Variants in PDZRN4 observed in about 807,000 individuals in gnomAD.
The protein encoded by PDZRN4 is PDZ domain-containing RING finger protein 4.
A neutral mutation model predicts 99.0 loss-of-function variants in PDZRN4; 70 were observed. The observed-to-expected ratio is 0.71, with a 90% CI of 0.58 to 0.86. PDZRN4 has a LOEUF of 0.86. PDZRN4 is among the 40% of genes least tolerant of loss of function. PDZRN4 has a pLI of 0.00. For synonymous variants in PDZRN4, 551 were observed against 501.6 expected, an observed-to-expected ratio of 1.10 and a Z score of -1.32; for missense variants, 1,474 against 1,331.2, an observed-to-expected ratio of 1.11 and a Z score of -1.67.
At chr12:41,264,443 G>T (rs1218789074) in intron 3 of PDZRN4, among the ~76,000 whole-genome samples, 1 of 151,968 alleles carries the variant, frequency 6.6e-6, no homozygotes, top group Non-Finnish European at 1.5e-5. Context: ...GTAGTGGTTT[G>T]TAGTGGTTCA....
chr12:41,210,165 A>G (rs1810039395), intron 3 of PDZRN4, among the ~76,000 whole-genome samples: 1 of 148,736 alleles, frequency 6.7e-6, no homozygotes, highest in African/African-American at 2.5e-5. Context: ...GTGTCTGTTC[A>G]TATCCTTCAC....
At chr12:41,269,617 A>G (rs1951300369) in intron 3 of PDZRN4, among the ~76,000 whole-genome samples, 1 of 152,226 alleles carries the variant, frequency 6.6e-6, no homozygotes. Context: ...ATTACAGGGC[A>G]TAAAGACATG....
chr12:41,345,357 C>T (rs1951845974), intron 3 of PDZRN4, among the ~76,000 whole-genome samples: 1 of 152,158 alleles, frequency 6.6e-6, no homozygotes, highest in Non-Finnish European at 1.5e-5. Context: ...TCTTCCTCCT[C>T]CCTCTTCTCA....
At chr12:41,569,652 A>G (rs1057236446) in intron 9 of PDZRN4, among the ~76,000 whole-genome samples, 26 of 152,336 alleles carry the variant, frequency 1.7e-4, no homozygotes, top group African/African-American at 5.8e-4. Flanking sequence ...TCACTTTACC[A>G]TGTTGAATAA....
intron 3 of PDZRN4, among the ~76,000 whole-genome samples, chr12:41,326,955 T>C (rs1951712903): frequency 6.6e-6 from 1 of 152,198 alleles, no homozygotes; most frequent in Admixed American, 6.5e-5. Flanking sequence ...TATTATTTGC[T>C]CCCGAATGTC....
At chr12:41,501,367 G>T (rs1938106353) in intron 3 of PDZRN4, among the ~76,000 whole-genome samples, 1 of 152,114 alleles carries the variant, frequency 6.6e-6, no homozygotes, top group Non-Finnish European at 1.5e-5. Flanking sequence ...TTTGCATGTG[G>T]TTGGATTTGG....
At chr12:41,201,834 G>A (rs1416584222) in intron 3 of PDZRN4, among the ~76,000 whole-genome samples, 1 of 152,106 alleles carries the variant, frequency 6.6e-6, no homozygotes, top group African/African-American at 2.4e-5. Flanking sequence ...TTTCTAGACT[G>A]TTTCTTATAG....
intron 3 of PDZRN4, among the ~76,000 whole-genome samples, chr12:41,384,358 T>C (rs1952150421): frequency 6.6e-6 from 1 of 152,174 alleles, no homozygotes; most frequent in Non-Finnish European, 1.5e-5. Context: ...ATATCCTCCT[T>C]ACTCAGTGTT....
intron 3 of PDZRN4, among the ~76,000 whole-genome samples, chr12:41,273,065 A>G (rs966176625): frequency 1.3e-5 from 2 of 152,062 alleles, no homozygotes; most frequent in Non-Finnish European, 2.9e-5. Context: ...GGCTTCATTT[A>G]GTAGTCTGCT....
intron 5 of PDZRN4, among the ~76,000 whole-genome samples, chr12:41,525,889 T>C (rs1209191166): frequency 1.3e-5 from 2 of 152,170 alleles, no homozygotes; most frequent in African/African-American, 4.8e-5. Flanking sequence ...TTGACTTTCA[T>C]ATTCTCTATT....
chr12:41,245,533 G>C (rs1376777682), intron 3 of PDZRN4, among the ~76,000 whole-genome samples: 1 of 152,118 alleles, frequency 6.6e-6, no homozygotes, highest in Non-Finnish European at 1.5e-5. Context: ...AATGTAATAG[G>C]ATACCTAGGA....
chr12:41,272,210 T>A (rs1016082257), intron 3 of PDZRN4, among the ~76,000 whole-genome samples: 2 of 152,048 alleles, frequency 1.3e-5, no homozygotes, highest in Non-Finnish European at 2.9e-5. Context: ...GAACATAAAA[T>A]TCATAAATAA....
chr12:41,393,789 C>A (rs573005863), intron 3 of PDZRN4, among the ~76,000 whole-genome samples: 1 of 152,292 alleles, frequency 6.6e-6, no homozygotes, highest in Admixed American at 6.5e-5. Context: ...CACTTCACTG[C>A]CATGCTTGGT....
intron 3 of PDZRN4, among the ~76,000 whole-genome samples, chr12:41,455,703 T>C (rs1233641483): frequency 6.6e-6 from 1 of 152,208 alleles, no homozygotes; most frequent in African/African-American, 2.4e-5. Context: ...TTCAAACCCC[T>C]TACTGCATTT....
chr12:41,219,626 A>C (rs1391190641), intron 3 of PDZRN4, among the ~76,000 whole-genome samples: 1 of 152,126 alleles, frequency 6.6e-6, no homozygotes, highest in Admixed American at 6.6e-5. Flanking sequence ...CCTCCCGAGA[A>C]ACATGAGCTT....
chr12:41,475,692 T>A (rs1231582625), intron 3 of PDZRN4, among the ~76,000 whole-genome samples: 1 of 152,220 alleles, frequency 6.6e-6, no homozygotes, highest in Non-Finnish European at 1.5e-5. Context: ...AGCGCTCAAA[T>A]TTTGTTTATT....
chr12:41,468,157 C>T (rs537225052), intron 3 of PDZRN4, among the ~76,000 whole-genome samples: 7 of 152,220 alleles, frequency 4.6e-5, no homozygotes, highest in South Asian at 4.1e-4. Context: ...GTACTGGCTG[C>T]GCATAGGGAA....
rs751792464 is a variant in PDZRN4 at position 41,437,900 on chromosome 12, T to G, written c.844-68556T>G. The G allele has an allele frequency of 4.3e-6, 7 of 1,613,802 alleles. No homozygotes were observed. The South Asian group carries it at 6.6e-5, about 15-fold the overall frequency. ...CCCTTTCAGTTCACTTGCCTTTCAG[T>G]TCTGGGGAAATTAGAAGATTTGCTC... On this transcript the variant is annotated intron_variant, in intron 3 of 9. Coordinates refer to ENST00000402685, the MANE Select transcript of PDZRN4 (RefSeq NM_001164595.2).
intron 3 of PDZRN4, among the ~76,000 whole-genome samples, chr12:41,382,108 C>T (rs1010681918): frequency 2.0e-5 from 3 of 152,176 alleles, no homozygotes; most frequent in Admixed American, 2.0e-4. Flanking sequence ...ATACTCCCTG[C>T]CCATGTGGTG....
Sources: allele counts gnomAD v4.1 joint callset (sites outside exome capture counted in the v4.1 genomes callset), GRCh38; gene constraint gnomAD v4.1.1; transcripts MANE v1.5; gene names NCBI Gene and HGNC (gene_info 2026-07-23, HGNC 2026-07-21).